The following AOAH variants were observed in gnomAD, a reference collection of about 807,000 sequenced individuals.
The protein encoded by AOAH is acyloxyacyl hydrolase.
A neutral mutation model predicts 92.2 loss-of-function variants in AOAH; 64 were observed. The observed-to-expected ratio is 0.69, with a 90% confidence interval of 0.57 to 0.86. The LOEUF (loss-of-function observed/expected upper bound fraction) is 0.86, where lower values mean the gene tolerates loss of function less well. Among genes scored for constraint, AOAH ranks in the 40% least tolerant of loss-of-function variants. The pLI is 0.00. For missense variants in AOAH, 656 were observed against 694.6 expected (o/e 0.94, Z 0.62); for synonymous variants, 263 against 254.5 (o/e 1.03, Z -0.32).
At chr7:36,543,943 C>CTTTTTTTTTT (rs1407764591) in intron 15 of AOAH, among the ~76,000 whole-genome samples, 9 of 82,792 alleles carry the variant, frequency 1.1e-4, no homozygotes, top group South Asian at 3.8e-4. Context: ...TTCTTTCTTT[C>CTTTTTTTTTT]TTTCTTTTTT....
At chr7:36,639,066 G>A (rs1793717845) in intron 4 of AOAH, among the ~76,000 whole-genome samples, 1 of 152,236 alleles carries the variant, frequency 6.6e-6, no homozygotes, top group African/African-American at 2.4e-5. Context: ...ATTCTGATTA[G>A]TTGGCAGTAG....
intron 12 of AOAH, among the ~76,000 whole-genome samples, chr7:36,590,331 C>T (rs997671643): frequency 6.6e-6 from 1 of 151,942 alleles, no homozygotes; most frequent in African/African-American, 2.4e-5. Context: ...TTTTGACCTA[C>T]TCAATCTCTT....
chr7:36,590,868 C>A (rs1191522527), intron 12 of AOAH, among the ~76,000 whole-genome samples: 1 of 152,216 alleles, frequency 6.6e-6, no homozygotes, highest in Non-Finnish European at 1.5e-5. Context: ...ATATGCTAAT[C>A]TCTTTGATAT....
At chr7:36,548,517 A>G in intron 15 of AOAH, 95 bp downstream of exon 15, 2 of 1,045,058 alleles carry the variant, frequency 1.9e-6, no homozygotes, top group Non-Finnish European at 3.0e-6. Context: ...TCAGCTGAAC[A>G]GCAGGCTGCT....
At chr7:36,588,783 G>C (rs1789537388) in intron 12 of AOAH, among the ~76,000 whole-genome samples, 1 of 152,180 alleles carries the variant, frequency 6.6e-6, no homozygotes, top group Non-Finnish European at 1.5e-5. Context: ...CACTAAAGGT[G>C]TGTTTAAATG....
At chr7:36,551,656 G>A (rs1316026397) in intron 13 of AOAH, among the ~76,000 whole-genome samples, 1 of 152,110 alleles carries the variant, frequency 6.6e-6, no homozygotes, top group East Asian at 1.9e-4. Context: ...TCAGTATAAT[G>A]TCCTCAAGCT....
intron 20 of AOAH, among the ~76,000 whole-genome samples, chr7:36,517,214 C>CTTTCTTTTCTT (rs59205788): frequency 9.5e-6 from 1 of 104,830 alleles, no homozygotes; most frequent in African/African-American, 4.0e-5. Context: ...TTCTTTCTTT[C>CTTTCTTTTCTT]TCTTTCTTTC....
At chr7:36,585,646 G>A (rs1347564769) in intron 12 of AOAH, among the ~76,000 whole-genome samples, 1 of 152,164 alleles carries the variant, frequency 6.6e-6, no homozygotes, top group African/African-American at 2.4e-5. Context: ...GGACAAGAAG[G>A]AAAAGAGCTC....
At chr7:36,546,561 C>T (rs1446841741) in intron 15 of AOAH, among the ~76,000 whole-genome samples, 1 of 152,212 alleles carries the variant, frequency 6.6e-6, no homozygotes. Flanking sequence ...TCTGCCTGCC[C>T]TTTAGCTCTT....
chr7:36,536,949 C>CA (rs11441171), intron 16 of AOAH, among the ~76,000 whole-genome samples: 21,262 of 47,488 alleles, frequency 0.45, 8,043 homozygotes, highest in Admixed American at 0.52. Context: ...GACTTCATCT[C>CA]AAAAAAAAAA....
chr7:36,535,933 A>G (rs1785028167), intron 16 of AOAH, among the ~76,000 whole-genome samples: 1 of 152,166 alleles, frequency 6.6e-6, no homozygotes, highest in Admixed American at 6.5e-5. Context: ...CTGTCTGGTA[A>G]TTCCTCACAA....
intron 19 of AOAH, among the ~76,000 whole-genome samples, chr7:36,529,452 A>G (rs1205362523): frequency 1.3e-5 from 2 of 152,200 alleles, no homozygotes; most frequent in Admixed American, 6.5e-5. Context: ...AATCTAGTTA[A>G]GGGAGACCAG....
At chr7:36,665,993 T>C (rs1268667895) in intron 3 of AOAH, among the ~76,000 whole-genome samples, 3 of 152,132 alleles carry the variant, frequency 2.0e-5, no homozygotes, top group Non-Finnish European at 4.4e-5. Context: ...ATGAGAGATA[T>C]TGGTCTGTAG....
chr7:36,535,010 G>A (rs1784934644), intron 16 of AOAH, among the ~76,000 whole-genome samples: 1 of 75,958 alleles, frequency 1.3e-5, no homozygotes, highest in African/African-American at 4.8e-5. Context: ...GTGTGTATCT[G>A]TGTGTGTCTG....
intron 1 of AOAH, among the ~76,000 whole-genome samples, chr7:36,687,701 T>C (rs7802502): frequency 6.6e-6 from 1 of 152,150 alleles, no homozygotes. Context: ...GGAAGGTTTA[T>C]GTCCTACAAA....
At chr7:36,523,494 G>T (rs932440558) in intron 19 of AOAH, among the ~76,000 whole-genome samples, 5 of 152,186 alleles carry the variant, frequency 3.3e-5, no homozygotes, top group African/African-American at 1.2e-4. Flanking sequence ...TCTCATGAAA[G>T]TTTATTTGTT....
intron 2 of AOAH, among the ~76,000 whole-genome samples, chr7:36,680,598 C>A (rs76705361): frequency 6.6e-6 from 1 of 152,270 alleles, no homozygotes; most frequent in Admixed American, 6.5e-5. Flanking sequence ...GCTAGGAGAA[C>A]GTCTATCTTT....
intron 16 of AOAH, among the ~76,000 whole-genome samples, chr7:36,537,766 G>T (rs1184342768): frequency 6.6e-6 from 1 of 151,692 alleles, no homozygotes. Context: ...CAGGTGATCC[G>T]CCCACCTTGG....
intron 13 of AOAH, among the ~76,000 whole-genome samples, chr7:36,573,303 G>A (rs1788261061): frequency 6.6e-6 from 1 of 152,182 alleles, no homozygotes; most frequent in Non-Finnish European, 1.5e-5. Context: ...AGTTCTGAGA[G>A]CCACTGCAAG....
Sources: gnomAD v4.1 joint callset for allele counts (sites outside exome capture counted in the v4.1 genomes callset) on GRCh38, gnomAD v4.1.1 for gene constraint, MANE v1.5 for transcripts, NCBI Gene and HGNC (gene_info 2026-07-23, HGNC 2026-07-21) for gene names.